MALRD1: variants seen among roughly 807,000 people sequenced by gnomAD.
MALRD1 encodes the protein MAM and LDL-receptor class A domain-containing protein 1.
MALRD1 carries 247 observed loss-of-function variants against 242.1 expected under a neutral mutation model. The ratio of observed to expected loss-of-function variants is 1.02; its 90% CI spans 0.92 to 1.13. MALRD1 has a LOEUF of 1.13. MALRD1 is among the 50% of genes most tolerant of loss of function. The pLI is 0.00. For synonymous variants in MALRD1, 995 were observed against 866.6 expected, an observed-to-expected ratio of 1.15 and a Z score of -2.60; for missense variants, 2,989 against 2,533.1, an observed-to-expected ratio of 1.18 and a Z score of -3.86.
Position 19,731,492 on chromosome 10 carries a change from TTGTGTGTGTG to T in MALRD1, c.6390+730_6390+739del, listed in dbSNP as rs199973822. On this transcript the variant is annotated intron_variant, in intron 39 of 39. Transcript: ENST00000454679. Reference sequence around the variant, plus strand: ...TATCTATCACCTCACATAGTTTACTTTGTGTGTGTGTGTGTGTGTGTGTGTGTGCTGAAAA... The same window carrying T: ...TATCTATCACCTCACATAGTTTACTTTGTGTGTGTGTGTGTGTGCTGAAAA... 2.3e-3 allele frequency among the ~76,000 whole-genome samples: 343 copies of T among 146,984 alleles called. 2 individuals carry two copies. The highest frequency in any genetic ancestry group is 8.0e-3 in the African/African-American group (324 of 40,294).
At chr10:19,432,635 A>C (rs1398788022) in intron 28 of MALRD1, among the ~76,000 whole-genome samples, 1 of 152,206 alleles carries the variant, frequency 6.6e-6, no homozygotes, top group African/African-American at 2.4e-5. Flanking sequence ...AGGAAGACAG[A>C]CAATGAACAA....
intron 38 of MALRD1, among the ~76,000 whole-genome samples, chr10:19,730,363 CATATT>C (rs1835238847): frequency 6.6e-6 from 1 of 152,094 alleles, no homozygotes. Flanking sequence ...AGTACAGCTT[CATATT>C]ACATTGTTCT....
rs7097491 is a variant in MALRD1 at position 19,217,257 on chromosome 10, T to G, written c.2991+7577T>G. 2.0e-5 allele frequency among the ~76,000 whole-genome samples: 3 copies of G among 151,964 alleles called. No individual in the cohort carries two copies. The South Asian group carries it at 6.2e-4, about 31-fold the overall frequency. ...AAATTCCTGTTTTTGCCCATGTTTC[T>G]GTGTGCCTCTCATCCCTACATTTAC... On this transcript the variant is annotated intron_variant, in intron 18 of 39. Transcript: ENST00000454679.
intron 4 of MALRD1, among the ~76,000 whole-genome samples, chr10:19,097,796 C>T (rs1332091118): frequency 6.6e-6 from 1 of 152,140 alleles, no homozygotes; most frequent in African/African-American, 2.4e-5. Context: ...CAAAATCATT[C>T]CTAATTTTGC....
rs903053362 is a variant in MALRD1, at chr10:19,175,167, TG to T, written c.1831-40del. The T allele has an allele frequency of 9.4e-5, 113 of 1,202,904 alleles. 1 individual carries two copies. The African/African-American group carries it at 1.2e-3, about 13-fold the overall frequency. 74.5% of individuals were successfully genotyped at this position (1,202,904 alleles called of 1,614,324 possible). On this transcript the variant is annotated intron_variant, in intron 13 of 39. Transcript: ENST00000454679. ...AAATATGATTGTAAGACATTACTTTTGTGATGTGTTTTTAACAGTTTTATCT... is the reference window on the plus strand; with the variant it reads ...AAATATGATTGTAAGACATTACTTTTTGATGTGTTTTTAACAGTTTTATCT...
intron 28 of MALRD1, among the ~76,000 whole-genome samples, chr10:19,403,301 T>G (rs1486078964): frequency 6.6e-6 from 1 of 152,178 alleles, no homozygotes; most frequent in African/African-American, 2.4e-5. Flanking sequence ...AATTAGACCA[T>G]CTGGTTATGA....
chr10:19,198,688 G>A (rs989780982), intron 14 of MALRD1, among the ~76,000 whole-genome samples: 4 of 152,072 alleles, frequency 2.6e-5, no homozygotes, highest in African/African-American at 9.7e-5. Flanking sequence ...TAGATCTCAG[G>A]AGACCCTTTA....
intron 26 of MALRD1, among the ~76,000 whole-genome samples, chr10:19,355,858 T>TATA (rs57813656): frequency 0.014 from 1,327 of 94,916 alleles, 132 homozygotes; most frequent in African/African-American, 0.043. Flanking sequence ...TATATATATA[T>TATA]TATATATGAT....
rs545463593 is a variant in MALRD1 at position 19,258,699 on chromosome 10, G to A, written c.3079+928G>A. 6.7e-4 allele frequency among the ~76,000 whole-genome samples: 102 copies of A among 152,198 alleles called. 1 individual carries two copies. Among genetic ancestry groups the A allele is most frequent in the South Asian group, 1.7e-3 (8 of 4,820 alleles). On this transcript the variant is annotated intron_variant, in intron 19 of 39. Transcript: ENST00000454679. Reference sequence around the variant, plus strand: ...TACCCACCACTCAGCATCCTAACAGGATCGATTGGTGTTACCACTGTGTGT... The same window carrying A: ...TACCCACCACTCAGCATCCTAACAGAATCGATTGGTGTTACCACTGTGTGT...
At chr10:19,304,805 C>G (rs1421300294) in intron 21 of MALRD1, among the ~76,000 whole-genome samples, 1 of 151,742 alleles carries the variant, frequency 6.6e-6, no homozygotes, top group African/African-American at 2.4e-5. Context: ...TCATATTTAG[C>G]TTGTTCATCA....
At chr10:19,171,985 TA>T (rs1310513444) in intron 13 of MALRD1, among the ~76,000 whole-genome samples, 7,661 of 21,438 alleles carry the variant, frequency 0.36, 726 homozygotes, top group East Asian at 0.56. Context: ...ATATATCATA[TA>T]ATATATGTAT....
intron 14 of MALRD1, among the ~76,000 whole-genome samples, chr10:19,196,401 C>T (rs960424704): frequency 2.6e-5 from 4 of 152,146 alleles, no homozygotes; most frequent in Admixed American, 6.5e-5. Context: ...TCAACAGAAA[C>T]TGTTCTTATC....
intron 11 of MALRD1, among the ~76,000 whole-genome samples, chr10:19,148,857 A>C (rs568897518): frequency 1.3e-5 from 2 of 149,454 alleles, no homozygotes; most frequent in East Asian, 3.9e-4. Context: ...GCCATGATCA[A>C]ACCTTAAAGA....
chr10:19,129,669 A>G (rs114087924), intron 8 of MALRD1, among the ~76,000 whole-genome samples: 2,029 of 151,584 alleles, frequency 0.013, 57 homozygotes, highest in African/African-American at 0.047. Flanking sequence ...GGAAATTAAC[A>G]GGTTTTTGGG....
intron 21 of MALRD1, among the ~76,000 whole-genome samples, chr10:19,306,605 G>GTATA (rs550375376): frequency 1.3e-5 from 2 of 149,120 alleles, no homozygotes; most frequent in African/African-American, 4.9e-5. Flanking sequence ...ACTTAATTGT[G>GTATA]TATATATATA....
intron 26 of MALRD1, among the ~76,000 whole-genome samples, chr10:19,383,689 T>A (rs1210544394): frequency 6.6e-6 from 1 of 152,102 alleles, no homozygotes; most frequent in African/African-American, 2.4e-5. Flanking sequence ...TTATTATTAT[T>A]TCCATTACTT....
intron 18 of MALRD1, among the ~76,000 whole-genome samples, chr10:19,240,148 T>C (rs1838694305): frequency 6.6e-6 from 1 of 152,250 alleles, no homozygotes; most frequent in Middle Eastern, 3.4e-3. Context: ...GTCCATTTTT[T>C]GTGTATCGTA....
chr10:19,217,802 G>C (rs895668857), intron 18 of MALRD1, among the ~76,000 whole-genome samples: 1 of 152,038 alleles, frequency 6.6e-6, no homozygotes, highest in Admixed American at 6.6e-5. Context: ...GGGATTACAG[G>C]CATGAGCCAC....
At chr10:19,052,302 C>T (rs1834531992) in intron 1 of MALRD1, 1 of 174,032 alleles carries the variant, frequency 5.7e-6, no homozygotes, top group Non-Finnish European at 1.2e-5. Flanking sequence ...CCTCAAAGTA[C>T]TGGAAAGGAA....
Sources: gnomAD v4.1 joint callset for allele counts (sites outside exome capture counted in the v4.1 genomes callset) on GRCh38, gnomAD v4.1.1 for gene constraint, MANE v1.5 for transcripts, NCBI Gene and HGNC (gene_info 2026-07-23, HGNC 2026-07-21) for gene names.